Variants in SH3GLB2 observed in about 807,000 individuals in gnomAD.
SH3GLB2 encodes the protein endophilin-B2.
In SH3GLB2, 24 loss-of-function variants were observed where a neutral mutation model predicts 48.0. The observed-to-expected ratio is 0.50, with a 90% CI of 0.36 to 0.70. The LOEUF (loss-of-function observed/expected upper bound fraction) is 0.70. SH3GLB2 is among the 30% of genes least tolerant of loss of function. SH3GLB2 has a pLI of 0.00. For synonymous variants in SH3GLB2, 227 were observed against 207.6 expected, an observed-to-expected ratio of 1.09 and a Z score of -0.80; for missense variants, 425 against 516.0, an observed-to-expected ratio of 0.82 and a Z score of 1.71.
chr9:129,009,380 G>T, intron 9 of SH3GLB2, 34 bp from the exon 10 acceptor site: 1 of 1,550,834 alleles, frequency 6.4e-7, no homozygotes, highest in Non-Finnish European at 8.7e-7. Context: ...GCAGGTGGGA[G>T]TCCCAGAAGG....
At chr9:129,012,161 T>TG in intron 6 of SH3GLB2, 75 bp downstream of exon 6, 1 of 835,672 alleles carries the variant, frequency 1.2e-6, no homozygotes, top group East Asian at 6.2e-5. Flanking sequence ...CTAGCTCCTG[T>TG]GCAGTCAGAG....
Position 129,014,875 on chromosome 9 carries a change from C to T in SH3GLB2, c.364G>A (p.Glu122Lys), listed in dbSNP as rs1843336625. Residue 122 changes from glutamate to lysine, a missense_variant, in exon 4 of 11, where the codon GAA (glutamate) becomes AAA (lysine). By Grantham distance (56) the Glu-to-Lys change is moderately conservative (BLOSUM62 1). Coordinates refer to ENST00000372564, the MANE Select transcript of SH3GLB2 (RefSeq NM_020145.4). This position sits in a 1 kb window ranked among gnomAD's most constrained non-coding sequence, Gnocchi z 4.1. ...GKTLIKVAEA[E>K]KQLGAAERDF... ...CTCTCCGCGGCTCCCAGTTGCTTTTCAGCTTCTGCCACCTTGATCAGTGTC... is the reference window on the plus strand; with the variant it reads ...CTCTCCGCGGCTCCCAGTTGCTTTTTAGCTTCTGCCACCTTGATCAGTGTC... The T allele has an allele frequency of 3.7e-6, 6 of 1,613,926 alleles. No individual in the cohort carries two copies. Among genetic ancestry groups the T allele is most frequent in the Non-Finnish European group, 5.1e-6 (6 of 1,180,010 alleles).
At position 129,014,580 on chromosome 9, in the gene SH3GLB2, G is replaced by T; in HGVS notation, c.469-77C>A. On this transcript the variant is annotated intron_variant, in intron 4 of 10. Transcript: ENST00000372564. This position sits in a 1 kb window ranked among gnomAD's most constrained non-coding sequence, Gnocchi z 4.1. ...CTGAGCCATGCATGGCAAGATTGGT[G>T]CCGGGGACGATCAAGTCAAGATAGG... 1 of 1,499,052 alleles carries T rather than the reference G, an allele frequency of 6.7e-7. No homozygotes were observed. Among genetic ancestry groups the T allele is most frequent in the Non-Finnish European group, 9.1e-7 (1 of 1,098,850 alleles). 92.9% of individuals were successfully genotyped at this position (1,499,052 alleles called of 1,614,324 possible). A position where few individuals can be genotyped will look rare whatever the true frequency, so the allele number is the denominator to read the frequency against.
rs1292793758 is a variant in SH3GLB2 at position 129,014,750 on chromosome 9, G to GA, written c.468+20dup. On this transcript the variant is annotated intron_variant, in intron 4 of 10. Coordinates refer to ENST00000372564, the MANE Select transcript of SH3GLB2 (RefSeq NM_020145.4). This position sits in a 1 kb window ranked among gnomAD's most constrained non-coding sequence, Gnocchi z 4.1. ...GAACTGCCATGGTTACCAGGAAGCGGAATAGTCCCAGGGCCCTCACCGAGA... is the reference window on the plus strand; with the variant it reads ...GAACTGCCATGGTTACCAGGAAGCGGAAATAGTCCCAGGGCCCTCACCGAGA... The GA allele has an allele frequency of 6.2e-7, 1 of 1,606,476 alleles. No homozygotes were observed. Among genetic ancestry groups the GA allele is most frequent in the African/African-American group, 1.3e-5 (1 of 74,502 alleles).
At chr9:129,019,813 T>C (rs1843670090) in intron 3 of SH3GLB2, among the ~76,000 whole-genome samples, 1 of 151,322 alleles carries the variant, frequency 6.6e-6, no homozygotes, top group South Asian at 2.1e-4. Flanking sequence ...ATATATAGCT[T>C]ATACTTGGAT....
intron 1 of SH3GLB2, among the ~76,000 whole-genome samples, chr9:129,024,212 A>G (rs1291717545): frequency 7.0e-6 from 1 of 142,778 alleles, no homozygotes; most frequent in Admixed American, 7.5e-5. Flanking sequence ...GATTGAGCCC[A>G]GGAGTTCAAG....
In SH3GLB2 at chr9:129,022,267, C is replaced by T. The variant is rs570033543; in HGVS notation, c.205+15G>A. 11 of 1,611,970 alleles carry T rather than the reference C, an allele frequency of 6.8e-6. No homozygotes were observed. Among genetic ancestry groups the T allele is most frequent in the African/African-American group, 2.7e-5 (2 of 75,018 alleles). On this transcript the variant is annotated intron_variant, in intron 2 of 10. Transcript: ENST00000372564. ...ACGACTACATCCCTCCCCGGGCCCA[C>T]GAACACGCACTCACTGGGGTTGGGC...
At chr9:129,015,948 A>G (rs1843394594) in intron 3 of SH3GLB2, 1 of 198,466 alleles carries the variant, frequency 5.0e-6, no homozygotes, top group Non-Finnish European at 1.1e-5. Flanking sequence ...TTGTCTTCTC[A>G]TTAGAAACAA....
At chr9:129,023,838 T>C (rs776547567) in intron 1 of SH3GLB2, among the ~76,000 whole-genome samples, 1 of 152,254 alleles carries the variant, frequency 6.6e-6, no homozygotes, top group Non-Finnish European at 1.5e-5. Context: ...TCCCCCACCC[T>C]GGCTGGCTCT....
chr9:129,021,003 T>G, intron 3 of SH3GLB2, 88 bp downstream of exon 3: 2 of 1,296,944 alleles, frequency 1.5e-6, no homozygotes, highest in Non-Finnish European at 1.0e-6. Flanking sequence ...TGTATAATTA[T>G]TTTTTTAAGT....
intron 10 of SH3GLB2, 91 bp downstream of exon 10, chr9:129,009,015 G>A (rs1842924235): frequency 3.2e-6 from 5 of 1,570,640 alleles, no homozygotes; most frequent in Admixed American, 1.8e-5. Flanking sequence ...TTTGCCAACA[G>A]GGCCCCTCCA....
At chr9:129,027,892 G>A (rs1056134679) in intron 1 of SH3GLB2, among the ~76,000 whole-genome samples, 200 bp downstream of exon 1, 1 of 152,270 alleles carries the variant, frequency 6.6e-6, no homozygotes, top group African/African-American at 2.4e-5. Flanking sequence ...CCAGGCAGCA[G>A]GGCCAAGGCC....
At chr9:129,016,990 C>A (rs188236815) in intron 3 of SH3GLB2, among the ~76,000 whole-genome samples, 1 of 147,660 alleles carries the variant, frequency 6.8e-6, no homozygotes, top group East Asian at 2.0e-4. Flanking sequence ...CTCTGTCTCC[C>A]AGGCTGGAGT....
At position 129,009,883 on chromosome 9, in the gene SH3GLB2, A is replaced by G; in HGVS notation, c.739-12T>C. The G allele has an allele frequency of 6.2e-7, 1 of 1,610,930 alleles. No homozygotes were observed. Among genetic ancestry groups the G allele is most frequent in the South Asian group, 1.1e-5 (1 of 90,738 alleles). ...CGCAGGTGGTTCACCTGCGGGGAAG[A>G]GGCCAGAGGCTGACTTCTAACCTCC... On this transcript the variant is annotated splice_polypyrimidine_tract_variant and intron_variant, in intron 8 of 10. Coordinates refer to ENST00000372564, the MANE Select transcript of SH3GLB2 (RefSeq NM_020145.4).
chr9:129,022,664 G>A (rs1843882942), intron 1 of SH3GLB2, among the ~76,000 whole-genome samples: 1 of 152,194 alleles, frequency 6.6e-6, no homozygotes, highest in Non-Finnish European at 1.5e-5. Context: ...GAAATCCAAT[G>A]AAAGCTACAC....
chr9:129,020,344 G>A (rs866635031), intron 3 of SH3GLB2, among the ~76,000 whole-genome samples: 7 of 148,342 alleles, frequency 4.7e-5, no homozygotes, highest in East Asian at 4.1e-4. Context: ...TGAGGCAGGC[G>A]GATCACTTGA....
At chr9:129,022,193 C>T in intron 2 of SH3GLB2, 89 bp downstream of exon 2, 2 of 1,540,702 alleles carry the variant, frequency 1.3e-6, no homozygotes, top group Non-Finnish European at 1.7e-6. Flanking sequence ...TGCAGCCCCG[C>T]CCCACCTATG....
chr9:129,022,501 A>T, intron 1 of SH3GLB2, 78 bp from the exon 2 acceptor site: 2 of 1,347,988 alleles, frequency 1.5e-6, no homozygotes, highest in South Asian at 2.6e-5. Context: ...GAAAGGGAGG[A>T]CTGCCCCTCC....
At position 129,009,098 on chromosome 9, in the gene SH3GLB2, G is replaced by C. The variant is rs373069325; in HGVS notation, c.1080+8C>G. On this transcript the variant is annotated splice_region_variant and intron_variant, in intron 10 of 10. Coordinates refer to ENST00000372564, the MANE Select transcript of SH3GLB2 (RefSeq NM_020145.4). ...CATTCCTGCCCCACCTTGCGGCACC[G>C]GGCCCACCTCATCAGCCAGCAGGGC... 19 of 1,606,600 alleles carry C rather than the reference G, an allele frequency of 1.2e-5. No homozygotes were observed. Among genetic ancestry groups the C allele is most frequent in the Non-Finnish European group, 1.6e-5 (19 of 1,179,730 alleles).
Sources: gnomAD v4.1 joint callset for allele counts (sites outside exome capture counted in the v4.1 genomes callset) on GRCh38, gnomAD v4.1.1 for gene constraint, Gnocchi (gnomAD v3.1) non-coding constraint, MANE v1.5 for transcripts, NCBI Gene and HGNC (gene_info 2026-07-23, HGNC 2026-07-21) for gene names.